FGF10: variants seen among roughly 807,000 people sequenced by gnomAD.
FGF10 encodes fibroblast growth factor 10, also known as FGF-10.
A neutral mutation model predicts 19.8 loss-of-function variants in FGF10; 2 were observed. That is an observed-to-expected ratio of 0.10 (90% CI 0.04 to 0.32). FGF10 has a LOEUF of 0.32. FGF10 is among the 10% of genes least tolerant of loss of function. FGF10 has a pLI of 1.00. For synonymous variants in FGF10, 112 were observed against 94.0 expected (o/e 1.19, Z -1.10); for missense variants, 191 against 246.3 (o/e 0.78, Z 1.50).
rs1414538471 is a variant in FGF10 at position 44,300,525 on chromosome 5, A to G, written c.*4470T>C. 6.6e-6 allele frequency among the ~76,000 whole-genome samples: 1 copy of G among 152,196 alleles called. No individual in the cohort carries two copies. The highest frequency in any genetic ancestry group is 1.5e-5 in the Non-Finnish European group (1 of 68,028). On this transcript the variant is annotated 3_prime_UTR_variant, in exon 3 of 3. Coordinates refer to ENST00000264664, the MANE Select transcript of FGF10 (RefSeq NM_004465.2). ...CTTGGCTTAAAACAAAACAATGCAA[A>G]TGTAATCTTTCAATGGTAAAGAACA...
At chr5:44,360,586 C>G (rs1346418813) in intron 1 of FGF10, among the ~76,000 whole-genome samples, 2 of 151,574 alleles carry the variant, frequency 1.3e-5, no homozygotes, top group Admixed American at 1.3e-4. Context: ...TCATACCTAC[C>G]TCTGTATTAA....
At chr5:44,373,711 A>G (rs1352899433) in intron 1 of FGF10, among the ~76,000 whole-genome samples, 1 of 152,142 alleles carries the variant, frequency 6.6e-6, no homozygotes, top group Admixed American at 6.5e-5. Flanking sequence ...ATGATGTTAT[A>G]TGTATTCTCT....
chr5:44,302,259 TTTCCTTCCTTCCTTCTTTCCTTGC>T lies in FGF10; in HGVS notation c.*2712_*2735del, dbSNP rs1739979684. Among the ~76,000 whole-genome samples the T allele has an allele frequency of 6.8e-6, 1 of 147,806 alleles. No individual in the cohort carries two copies. The highest frequency in any genetic ancestry group is 2.5e-5 in the African/African-American group (1 of 40,628). ...TCTCTCTCCTTCCTTCCCTCCCTTC[TTTCCTTCCTTCCTTCTTTCCTTGC>T]TTCCTTCCTTCCTTCCTTCCTTCCT... is the stretch of plus-strand genomic sequence containing the variant. On this transcript the variant is annotated 3_prime_UTR_variant, in exon 3 of 3. Coordinates refer to ENST00000264664, the MANE Select transcript of FGF10 (RefSeq NM_004465.2).
intron 1 of FGF10, among the ~76,000 whole-genome samples, chr5:44,320,293 T>G (rs1366600637): frequency 2.0e-5 from 3 of 152,216 alleles, no homozygotes; most frequent in African/African-American, 2.4e-5. Flanking sequence ...TAGCACTTAA[T>G]TTAGTCCATG....
intron 1 of FGF10, among the ~76,000 whole-genome samples, chr5:44,327,234 G>A (rs1225905756): frequency 6.6e-6 from 1 of 152,170 alleles, no homozygotes; most frequent in Non-Finnish European, 1.5e-5. Context: ...GACAATATTT[G>A]ATGTTTACTG....
At chr5:44,350,092 A>G (rs1305142089) in intron 1 of FGF10, among the ~76,000 whole-genome samples, 1 of 151,174 alleles carries the variant, frequency 6.6e-6, no homozygotes, top group Non-Finnish European at 1.5e-5. Flanking sequence ...GAAATTGTCC[A>G]CGTCAAAAAC....
chr5:44,307,609 A>C (rs190942049), intron 2 of FGF10, among the ~76,000 whole-genome samples: 1 of 152,342 alleles, frequency 6.6e-6, no homozygotes, highest in Non-Finnish European at 1.5e-5. Context: ...TTAATCAGTC[A>C]GTCTGAATCT....
intron 1 of FGF10, among the ~76,000 whole-genome samples, chr5:44,352,205 G>T (rs985132728): frequency 5.9e-5 from 9 of 151,564 alleles, no homozygotes; most frequent in Admixed American, 2.6e-4. Flanking sequence ...CCGTTAGCAG[G>T]GTGAGGATTT....
At chr5:44,318,833 A>G (rs968044252) in intron 1 of FGF10, among the ~76,000 whole-genome samples, 14 of 152,166 alleles carry the variant, frequency 9.2e-5, no homozygotes, top group Admixed American at 6.5e-4. Flanking sequence ...TCTATGTTCA[A>G]TCAAAACCTC....
intron 1 of FGF10, among the ~76,000 whole-genome samples, chr5:44,319,323 TA>T (rs1360481667): frequency 2.0e-5 from 3 of 152,220 alleles, no homozygotes. Context: ...GACATTGCTA[TA>T]AACTGTCTAC....
chr5:44,386,112 A>G (rs1742090996), intron 1 of FGF10, among the ~76,000 whole-genome samples: 2 of 151,990 alleles, frequency 1.3e-5, no homozygotes, highest in Admixed American at 1.3e-4. Flanking sequence ...ACTTTTCTAC[A>G]CCCCTTTTAT....
chr5:44,361,981 C>A (rs1741492740), intron 1 of FGF10, among the ~76,000 whole-genome samples: 1 of 151,634 alleles, frequency 6.6e-6, no homozygotes, highest in Non-Finnish European at 1.5e-5. Flanking sequence ...CCAAACAAAT[C>A]TCATGTCTTT....
intron 1 of FGF10, among the ~76,000 whole-genome samples, chr5:44,337,409 C>T (rs2111777844): frequency 6.6e-6 from 1 of 152,176 alleles, no homozygotes; most frequent in South Asian, 2.1e-4. Context: ...CTCACTAGTC[C>T]AGGTTAATGC....
chr5:44,305,286 T>C (rs1740049871), intron 2 of FGF10, 94 bp from the exon 3 acceptor site: 2 of 1,106,024 alleles, frequency 1.8e-6, no homozygotes, highest in Admixed American at 3.7e-5. Context: ...CCAAGGATTC[T>C]GTTTGTAGTT....
chr5:44,371,062 T>G (rs1741731116), intron 1 of FGF10, among the ~76,000 whole-genome samples: 1 of 152,232 alleles, frequency 6.6e-6, no homozygotes, highest in East Asian at 1.9e-4. Flanking sequence ...CCTCCAAAAT[T>G]CATTTTGAAA....
intron 2 of FGF10, 100 bp downstream of exon 2, chr5:44,310,327 A>G: frequency 1.3e-6 from 1 of 784,062 alleles, no homozygotes; most frequent in Non-Finnish European, 2.2e-6. Flanking sequence ...TTTACTAGCA[A>G]TAGAAGGATA....
intron 1 of FGF10, among the ~76,000 whole-genome samples, chr5:44,352,540 A>G (rs977049443): frequency 1.3e-5 from 2 of 151,642 alleles, no homozygotes; most frequent in African/African-American, 2.4e-5. Flanking sequence ...GCTCAAAAAC[A>G]TCTATGAAAG....
At chr5:44,354,458 T>C (rs1288585258) in intron 1 of FGF10, among the ~76,000 whole-genome samples, 1 of 151,532 alleles carries the variant, frequency 6.6e-6, no homozygotes, top group Non-Finnish European at 1.5e-5. Flanking sequence ...AGGACAGTTA[T>C]GTGGGCTTTT....
Position 44,388,772 on chromosome 5 carries a change from A to G in FGF10, c.-90T>C. 7.3e-7 allele frequency: 1 copy of G among 1,368,030 alleles called. No individual in the cohort carries two copies. The highest frequency in any genetic ancestry group is 1.0e-6 in the Non-Finnish European group (1 of 969,850). The allele number at this position is 1,368,030 out of a possible 1,614,324, so 84.7% of individuals were successfully genotyped here. On this transcript the variant is annotated 5_prime_UTR_variant, in exon 1 of 3. Coordinates refer to ENST00000264664, the MANE Select transcript of FGF10 (RefSeq NM_004465.2). ...CGATGCAAGGCAAGGAGAGAGCTCG[A>G]GGTGGTGGCTGCTGGTTAGCTCCCT...
Sources: allele counts gnomAD v4.1 joint callset (sites outside exome capture counted in the v4.1 genomes callset), GRCh38; gene constraint gnomAD v4.1.1; transcripts MANE v1.5; gene names NCBI Gene and HGNC (gene_info 2026-07-23, HGNC 2026-07-21).